OSBPL11: variants seen among roughly 807,000 people sequenced by gnomAD.
OSBPL11 encodes oxysterol-binding protein-related protein 11.
In OSBPL11, 33 loss-of-function variants were observed where a neutral mutation model predicts 84.4. The observed-to-expected ratio is 0.39, with a 90% CI of 0.30 to 0.52. The LOEUF (loss-of-function observed/expected upper bound fraction) is 0.52, where lower values mean the gene tolerates loss of function less well. Ranked by LOEUF, OSBPL11 falls within the 20% of genes least tolerant of loss-of-function variation. OSBPL11 has a pLI of 0.72. For missense variants in OSBPL11, 736 were observed against 901.1 expected (o/e 0.82, Z 2.35); for synonymous variants, 276 against 310.2 (o/e 0.89, Z 1.16).
At chr3:125,546,463 G>C (rs529703236) in intron 10 of OSBPL11, among the ~76,000 whole-genome samples, 24 of 152,186 alleles carry the variant, frequency 1.6e-4, no homozygotes, top group African/African-American at 5.5e-4. Context: ...CTCCTGAATA[G>C]CTGGGATTAC....
chr3:125,559,194 T>C (rs1362508583), intron 8 of OSBPL11, among the ~76,000 whole-genome samples: 1 of 152,252 alleles, frequency 6.6e-6, no homozygotes, highest in African/African-American at 2.4e-5. Flanking sequence ...ACTCCTGTTA[T>C]AGATAATACC....
At chr3:125,581,280 TG>T (rs1936419985) in intron 2 of OSBPL11, among the ~76,000 whole-genome samples, 1 of 151,940 alleles carries the variant, frequency 6.6e-6, no homozygotes, top group South Asian at 2.1e-4. Flanking sequence ...TTCGTAGAGA[TG>T]GAGTTTTGCC....
At chr3:125,535,381 T>A (rs927717979) in intron 11 of OSBPL11, among the ~76,000 whole-genome samples, 1 of 151,238 alleles carries the variant, frequency 6.6e-6, no homozygotes, top group Non-Finnish European at 1.5e-5. Context: ...ATATCCCTCA[T>A]GTATATAGAA....
intron 8 of OSBPL11, among the ~76,000 whole-genome samples, chr3:125,557,793 T>C (rs2089941100): frequency 2.2e-5 from 1 of 44,810 alleles, no homozygotes; most frequent in Non-Finnish European, 3.7e-5. Flanking sequence ...ACAACTTTCT[T>C]TTTTTTTTTT....
intron 10 of OSBPL11, among the ~76,000 whole-genome samples, chr3:125,543,788 T>C (rs1415149676): frequency 1.3e-5 from 2 of 151,950 alleles, no homozygotes; most frequent in African/African-American, 4.8e-5. Context: ...TAATCCCAGC[T>C]ACTTGGGAGG....
intron 1 of OSBPL11, 96 bp downstream of exon 1, chr3:125,594,541 A>T (rs1272853402): frequency 6.9e-7 from 1 of 1,444,946 alleles, no homozygotes; most frequent in African/African-American, 1.4e-5. Flanking sequence ...AGCCAGTGAA[A>T]AAACTTTTAT....
At chr3:125,594,209 T>C (rs750031823) in intron 1 of OSBPL11, among the ~76,000 whole-genome samples, 1 of 152,244 alleles carries the variant, frequency 6.6e-6, no homozygotes, top group Non-Finnish European at 1.5e-5. Context: ...TCTTTTCTGA[T>C]TCTGGAGAAG....
At chr3:125,594,602 C>T (rs1467661502) in intron 1 of OSBPL11, 35 bp downstream of exon 1, 1 of 1,602,426 alleles carries the variant, frequency 6.2e-7, no homozygotes, top group Admixed American at 1.7e-5. Context: ...CCCCTACCTC[C>T]ACCTCGGGAA....
chr3:125,560,552 T>A, intron 7 of OSBPL11, 33 bp from the exon 8 acceptor site: 1 of 1,512,218 alleles, frequency 6.6e-7, no homozygotes, highest in East Asian at 2.4e-5. Flanking sequence ...GTCTAGTATT[T>A]TAACTACCTA....
In OSBPL11 at chr3:125,552,126, T is replaced by C. The variant is rs1047201429; in HGVS notation, c.1654+55A>G. 14 of 948,882 alleles carry C rather than the reference T, an allele frequency of 1.5e-5. No individual in the cohort carries two copies. The Admixed American group carries it at 1.6e-4, about 11-fold the overall frequency. 58.8% of individuals were successfully genotyped at this position (948,882 alleles called of 1,614,324 possible). On this transcript the variant is annotated intron_variant, in intron 9 of 12. Transcript: ENST00000296220. ...TCCTGCTTGGAAAAAAAAATACATA[T>C]ATATATGTGTGTGTGTATATATATA...
chr3:125,588,054 T>G (rs185150959), intron 1 of OSBPL11, among the ~76,000 whole-genome samples: 1 of 152,106 alleles, frequency 6.6e-6, no homozygotes, highest in East Asian at 1.9e-4. Context: ...AAACCCTATC[T>G]CTACTAAAAA....
At chr3:125,564,067 A>T (rs1936118482) in intron 6 of OSBPL11, among the ~76,000 whole-genome samples, 1 of 152,220 alleles carries the variant, frequency 6.6e-6, no homozygotes, top group Non-Finnish European at 1.5e-5. Context: ...TATTTAAAAG[A>T]AATCAACCCT....
chr3:125,529,101 C>G lies in OSBPL11; in HGVS notation c.*1414G>C, dbSNP rs1266956221. ...TTATCAGAGCACAAAGCTTAAACTT[C>G]TTATGATGATGCAACAGACACAGCC... On this transcript the variant is annotated 3_prime_UTR_variant, in exon 13 of 13. Coordinates refer to ENST00000296220, the MANE Select transcript of OSBPL11 (RefSeq NM_022776.5). The G allele has an allele frequency of 6.6e-6, 1 of 152,612 alleles. No individual in the cohort carries two copies. The highest frequency in any genetic ancestry group is 1.5e-5 in the Non-Finnish European group (1 of 68,032). 9.5% of individuals were successfully genotyped at this position (152,612 alleles called of 1,614,324 possible). A position where few individuals can be genotyped will look rare whatever the true frequency, so the allele number is the denominator to read the frequency against.
chr3:125,571,894 C>CACTG (rs902125464), intron 5 of OSBPL11, among the ~76,000 whole-genome samples: 4 of 152,202 alleles, frequency 2.6e-5, no homozygotes, highest in Non-Finnish European at 4.4e-5. Flanking sequence ...ACTGGGGTAC[C>CACTG]ACTGAGTAGA....
chr3:125,552,152 T>C (rs780875300), intron 9 of OSBPL11, 29 bp downstream of exon 9: 3 of 1,231,816 alleles, frequency 2.4e-6, no homozygotes, highest in Non-Finnish European at 2.2e-6. Flanking sequence ...TATATATATA[T>C]ATATATATAA....
chr3:125,583,236 AT>A (rs540339140), intron 1 of OSBPL11, among the ~76,000 whole-genome samples: 129 of 152,204 alleles, frequency 8.5e-4, no homozygotes, highest in African/African-American at 2.9e-3. Context: ...ATGTAAAATC[AT>A]TATACAAATA....
intron 5 of OSBPL11, among the ~76,000 whole-genome samples, chr3:125,569,549 G>A (rs1470578): frequency 0.036 from 5,442 of 152,134 alleles, 110 homozygotes; most frequent in East Asian, 0.065. Flanking sequence ...TTATGAACAC[G>A]CAGAACCACT....
At chr3:125,594,607 C>A (rs759631611) in intron 1 of OSBPL11, 30 bp downstream of exon 1, 5 of 1,603,678 alleles carry the variant, frequency 3.1e-6, no homozygotes, top group Non-Finnish European at 4.3e-6. Context: ...ACCTCCACCT[C>A]GGGAAATAAT....
chr3:125,571,843 G>A (rs1269140865), intron 5 of OSBPL11, among the ~76,000 whole-genome samples: 1 of 152,256 alleles, frequency 6.6e-6, no homozygotes, highest in Non-Finnish European at 1.5e-5. Context: ...AGGGCAGTGT[G>A]GAGGGGAAAT....
Sources: allele counts gnomAD v4.1 joint callset (sites outside exome capture counted in the v4.1 genomes callset), GRCh38; gene constraint gnomAD v4.1.1; transcripts MANE v1.5; gene names NCBI Gene and HGNC (gene_info 2026-07-23, HGNC 2026-07-21).